Variants in HPSE2 observed in about 807,000 individuals in gnomAD.
The protein encoded by HPSE2 is heparanase 2 (inactive), also known as inactive heparanase-2.
HPSE2 carries 38 observed loss-of-function variants against 60.5 expected under a neutral mutation model. The ratio of observed to expected loss-of-function variants is 0.63; its 90% CI spans 0.48 to 0.82. The LOEUF is 0.82. Ranked by LOEUF, HPSE2 falls within the 40% of genes least tolerant of loss-of-function variation. The pLI is 0.00. For synonymous variants in HPSE2, 295 were observed against 293.2 expected, an observed-to-expected ratio of 1.01 and a Z score of -0.06; for missense variants, 713 against 740.4, an observed-to-expected ratio of 0.96 and a Z score of 0.43.
At chr10:99,196,696 CA>C (rs1180103755) in intron 2 of HPSE2, among the ~76,000 whole-genome samples, 2 of 152,068 alleles carry the variant, frequency 1.3e-5, no homozygotes, top group African/African-American at 2.4e-5. Flanking sequence ...GGCTTACATC[CA>C]AAAGACAGGC....
intron 3 of HPSE2, among the ~76,000 whole-genome samples, chr10:98,770,605 C>T (rs892807284): frequency 6.6e-6 from 1 of 152,156 alleles, no homozygotes; most frequent in East Asian, 1.9e-4. Context: ...CTGGCTGAAT[C>T]ATTTTTGGAA....
At chr10:98,797,792 C>T (rs11594450) in intron 3 of HPSE2, among the ~76,000 whole-genome samples, 5,904 of 151,748 alleles carry the variant, frequency 0.039, 137 homozygotes, top group Middle Eastern at 0.068. Flanking sequence ...TGCGGTGAGC[C>T]GAGATCACGC....
At chr10:98,614,829 T>C in intron 9 of HPSE2, 75 bp downstream of exon 9, 1 of 972,326 alleles carries the variant, frequency 1.0e-6, no homozygotes, top group Non-Finnish European at 1.7e-6. Context: ...AATATTCTCC[T>C]AGTATGGAAC....
chr10:98,686,543 A>G (rs1186251618), intron 6 of HPSE2, among the ~76,000 whole-genome samples: 6 of 152,140 alleles, frequency 3.9e-5, no homozygotes, highest in African/African-American at 1.4e-4. Context: ...CTGGGACTAC[A>G]GGCACAAGCC....
intron 3 of HPSE2, among the ~76,000 whole-genome samples, chr10:98,838,126 TCTC>T (rs1040387397): frequency 6.6e-6 from 1 of 152,184 alleles, no homozygotes; most frequent in African/African-American, 2.4e-5. Flanking sequence ...CTCTCTCTAA[TCTC>T]CTATAGTGGT....
chr10:98,562,590 C>T (rs892298768), intron 9 of HPSE2, among the ~76,000 whole-genome samples: 2 of 152,030 alleles, frequency 1.3e-5, no homozygotes, highest in Non-Finnish European at 2.9e-5. Context: ...TGGTGGGCGC[C>T]TGTAGTCCCA....
intron 6 of HPSE2, among the ~76,000 whole-genome samples, chr10:98,661,007 C>T (rs191968026): frequency 5.0e-4 from 76 of 152,284 alleles, no homozygotes; most frequent in African/African-American, 1.8e-3. Flanking sequence ...TCAGGACACC[C>T]ACCTTGAATC....
intron 1 of HPSE2, 74 bp downstream of exon 1, chr10:99,235,439 G>A (rs1849806452): frequency 1.5e-6 from 2 of 1,332,636 alleles, no homozygotes; most frequent in African/African-American, 1.4e-5. Flanking sequence ...TTCCCCTTTG[G>A]AATGGGGGAT....
At chr10:99,271,286 AG>A in the HPSE2 span, among the ~76,000 whole-genome samples, 1 of 152,248 alleles carries the variant, frequency 6.6e-6, no homozygotes, top group Non-Finnish European at 1.5e-5. Flanking sequence ...AATTCAGCAA[AG>A]TTTCAGGATA....
At chr10:98,765,929 C>G (rs1004066722) in intron 3 of HPSE2, among the ~76,000 whole-genome samples, 1 of 151,770 alleles carries the variant, frequency 6.6e-6, no homozygotes, top group Non-Finnish European at 1.5e-5. Context: ...CAAATAAAAT[C>G]TAAAGCAAGC....
chr10:98,734,503 T>C (rs1465634369), intron 4 of HPSE2, among the ~76,000 whole-genome samples: 1 of 152,016 alleles, frequency 6.6e-6, no homozygotes, highest in Non-Finnish European at 1.5e-5. Context: ...CTCCACAACC[T>C]TGTCAACATT....
At chr10:99,227,093 A>C (rs1187513365) in intron 2 of HPSE2, among the ~76,000 whole-genome samples, 1 of 152,088 alleles carries the variant, frequency 6.6e-6, no homozygotes, top group Non-Finnish European at 1.5e-5. Context: ...CTGTTCTTAC[A>C]CCATAAGTCT....
rs546075771 is a variant in HPSE2, at chr10:98,458,690, T to A, written c.*884A>T. 1 of 152,316 alleles carries A rather than the reference T, an allele frequency of 6.6e-6. No individual in the cohort carries two copies. The highest frequency in any genetic ancestry group is 2.4e-5 in the African/African-American group (1 of 41,458). 9.4% of individuals were successfully genotyped at this position (152,316 alleles called of 1,614,324 possible). On this transcript the variant is annotated 3_prime_UTR_variant, in exon 12 of 12. Transcript: ENST00000370552. ...GAGAGGTCTAATTTGCTTTGTCCAG[T>A]TGGGGTGTGTGTGTGTACCTGATGT...
At chr10:99,023,404 G>A (rs1441865464) in intron 3 of HPSE2, among the ~76,000 whole-genome samples, 2 of 152,138 alleles carry the variant, frequency 1.3e-5, no homozygotes, top group African/African-American at 4.8e-5. Context: ...TCTGGACCTA[G>A]CTGGGACTGG....
intron 4 of HPSE2, among the ~76,000 whole-genome samples, chr10:98,741,965 A>G (rs1315106284): frequency 6.6e-6 from 1 of 152,186 alleles, no homozygotes; most frequent in Non-Finnish European, 1.5e-5. Context: ...ATGAGTATAC[A>G]ACATAAAATA....
At chr10:98,600,909 GTGTATATA>G (rs1565002910) in intron 9 of HPSE2, among the ~76,000 whole-genome samples, 1 of 88,496 alleles carries the variant, frequency 1.1e-5, no homozygotes, top group African/African-American at 5.7e-5. Context: ...ATATGTGTGT[GTGTATATA>G]TATATATATA....
the HPSE2 span, among the ~76,000 whole-genome samples, chr10:99,278,106 A>G: frequency 1.3e-5 from 2 of 151,926 alleles, no homozygotes; most frequent in African/African-American, 4.8e-5. Flanking sequence ...AAAAAAAAAA[A>G]AAAACTGATA....
chr10:99,149,049 A>C (rs1368992503), intron 2 of HPSE2, among the ~76,000 whole-genome samples: 1 of 150,912 alleles, frequency 6.6e-6, no homozygotes, highest in South Asian at 2.1e-4. Flanking sequence ...ATATTTATAC[A>C]AAAAAAAATA....
At chr10:98,798,756 T>G (rs1406710092) in intron 3 of HPSE2, among the ~76,000 whole-genome samples, 2 of 152,100 alleles carry the variant, frequency 1.3e-5, no homozygotes, top group African/African-American at 4.8e-5. Flanking sequence ...TAAAATGAGC[T>G]ATTAAATTGT....
Sources: allele counts gnomAD v4.1 joint callset (sites outside exome capture counted in the v4.1 genomes callset), GRCh38; gene constraint gnomAD v4.1.1; transcripts MANE v1.5; gene names NCBI Gene and HGNC (gene_info 2026-07-23, HGNC 2026-07-21).